Variants in HTR1E observed in about 807,000 individuals in gnomAD.
The protein encoded by HTR1E is 5-hydroxytryptamine receptor 1E, also known as 5-HT-1E.
A neutral mutation model predicts 3.4 loss-of-function variants in HTR1E; 3 were observed. The ratio of observed to expected loss-of-function variants is 0.89; its 90% CI spans 0.41 to 2.31. HTR1E has a LOEUF of 2.31. HTR1E is among the 30% of genes most tolerant of loss of function. The pLI is 0.05. For synonymous variants in HTR1E, 170 were observed against 182.8 expected (o/e 0.93, Z 0.56); for missense variants, 392 against 467.0 (o/e 0.84, Z 1.48).
chr6:87,004,996 C>T (rs116784588), intron 1 of HTR1E, among the ~76,000 whole-genome samples: 335 of 151,938 alleles, frequency 2.2e-3, no homozygotes, highest in African/African-American at 7.7e-3. Flanking sequence ...ACAATTGCTA[C>T]AAATAAAATA....
At position 86,948,244 on chromosome 6, in the gene HTR1E, A is replaced by G. The variant is rs541945401; in HGVS notation, c.-186+10421A>G. ...TTTTTTATGGCTGCAAACATTATCT[A>G]TTTAATAAGTTTCACATGTAATTAT... On this transcript the variant is annotated intron_variant, in intron 1 of 1. Coordinates refer to ENST00000305344, the MANE Select transcript of HTR1E (RefSeq NM_000865.3). 3.0e-4 allele frequency among the ~76,000 whole-genome samples: 46 copies of G among 152,288 alleles called. 1 individual carries two copies. The highest frequency in any genetic ancestry group is 1.1e-3 in the African/African-American group (45 of 41,578).
intron 1 of HTR1E, among the ~76,000 whole-genome samples, chr6:86,998,710 T>G (rs1380644978): frequency 6.6e-6 from 1 of 151,544 alleles, no homozygotes; most frequent in African/African-American, 2.4e-5. Flanking sequence ...AGGAAGGAAA[T>G]AATAAATATA....
At chr6:86,963,887 G>A (rs867388097) in intron 1 of HTR1E, among the ~76,000 whole-genome samples, 11 of 152,138 alleles carry the variant, frequency 7.2e-5, no homozygotes, top group African/African-American at 2.7e-4. Context: ...AAGCAATGCA[G>A]GACTATACTT....
intron 1 of HTR1E, among the ~76,000 whole-genome samples, chr6:86,974,242 T>C (rs1324930360): frequency 2.6e-5 from 4 of 152,376 alleles, no homozygotes; most frequent in Non-Finnish European, 5.9e-5. Flanking sequence ...TTTGTGTGTA[T>C]TTCCTGCAAG....
intron 1 of HTR1E, among the ~76,000 whole-genome samples, chr6:87,000,750 G>A (rs1768010267): frequency 6.6e-6 from 1 of 152,178 alleles, no homozygotes; most frequent in Non-Finnish European, 1.5e-5. Context: ...GAAATGCAAA[G>A]GAAGTTCTTC....
rs1167394724 is a variant in HTR1E at position 87,009,808 on chromosome 6, C to T, written c.-185-5342C>T. Among the ~76,000 whole-genome samples the T allele has an allele frequency of 3.0e-4, 36 of 119,208 alleles. 3 individuals carry two copies. Among genetic ancestry groups the T allele is most frequent in the African/African-American group, 1.0e-3 (28 of 27,604 alleles). The allele number at this position is 119,208 out of a possible 152,430, so 78.2% of individuals were successfully genotyped here. A position where few individuals can be genotyped will look rare whatever the true frequency, so the allele number is the denominator to read the frequency against. ...TGACCTCCCCCACCTCCCTCCCGGA[C>T]GGGGCGGCTGGCCGGGCGGGGGGAC... On this transcript the variant is annotated intron_variant, in intron 1 of 1. Transcript: ENST00000305344.
intron 1 of HTR1E, among the ~76,000 whole-genome samples, chr6:87,012,332 G>A (rs1354316681): frequency 6.6e-6 from 1 of 152,118 alleles, no homozygotes; most frequent in African/African-American, 2.4e-5. Flanking sequence ...ACTTATAACC[G>A]GGAGCTAAAT....
intron 1 of HTR1E, among the ~76,000 whole-genome samples, chr6:86,966,342 C>A (rs1282398134): frequency 1.3e-5 from 2 of 152,134 alleles, no homozygotes; most frequent in African/African-American, 4.8e-5. Context: ...AATGAACAGA[C>A]TTACAAATAA....
In HTR1E at chr6:87,015,890, T is replaced by G. The variant is rs1005189028; in HGVS notation, c.556T>G (p.Ser186Ala). The G allele has an allele frequency of 1.2e-6, 2 of 1,613,492 alleles. No homozygotes were observed. Among genetic ancestry groups the G allele is most frequent in the Non-Finnish European group, 1.7e-6 (2 of 1,179,620 alleles). ...CGACCATGTTATCTACACCATTTAC[T>G]CCACGCTGGGTGCGTTTTATATCCC... ...QHDHVIYTIY[S>A]TLGAFYIPLT... is the part of the protein sequence containing the mutation. The change falls in exon 2 of 2, where the codon TCC (serine) becomes GCC (alanine). Residue 186 changes from serine (S) to alanine (A), a missense_variant. Physicochemically the swap from Ser to Ala is moderately conservative, Grantham distance 99 (BLOSUM62 1). This residue lies in a region of HTR1E where 189 missense variants were observed against 258.0 expected (regional missense o/e 0.73). Coordinates refer to ENST00000305344, the MANE Select transcript of HTR1E (RefSeq NM_000865.3).
intron 1 of HTR1E, among the ~76,000 whole-genome samples, chr6:86,952,498 G>GACACAC (rs149359215): frequency 2.7e-5 from 4 of 147,028 alleles, no homozygotes; most frequent in African/African-American, 9.9e-5. Flanking sequence ...CACACACACA[G>GACACAC]ACACACACAC....
intron 1 of HTR1E, among the ~76,000 whole-genome samples, chr6:86,967,766 G>A (rs552304388): frequency 5.9e-5 from 9 of 151,944 alleles, no homozygotes; most frequent in East Asian, 1.9e-4. Flanking sequence ...TTTACATTAC[G>A]AAGTGTTTTA....
chr6:86,978,362 CCAAT>C (rs1171392091), intron 1 of HTR1E, among the ~76,000 whole-genome samples: 2 of 152,094 alleles, frequency 1.3e-5, no homozygotes, highest in Non-Finnish European at 2.9e-5. Flanking sequence ...CTGCATCGGT[CCAAT>C]CATAGTTAGG....
chr6:86,961,054 C>T (rs1019991063), intron 1 of HTR1E, among the ~76,000 whole-genome samples: 1 of 152,134 alleles, frequency 6.6e-6, no homozygotes, highest in Non-Finnish European at 1.5e-5. Flanking sequence ...AAAAATGAAG[C>T]TAGGAACTAT....
intron 1 of HTR1E, among the ~76,000 whole-genome samples, chr6:87,009,785 ACC>A (rs1768175922): frequency 1.0e-5 from 1 of 97,578 alleles, no homozygotes. Context: ...AGGGGGGCTG[ACC>A]TCCCCCACCT....
chr6:86,947,240 G>T (rs1039468175), intron 1 of HTR1E, among the ~76,000 whole-genome samples: 1 of 151,666 alleles, frequency 6.6e-6, no homozygotes, highest in Non-Finnish European at 1.5e-5. Context: ...TAATTTTCTG[G>T]CATTGTAGCA....
chr6:86,977,706 TTAATA>T (rs1767658914), intron 1 of HTR1E, among the ~76,000 whole-genome samples: 1 of 152,188 alleles, frequency 6.6e-6, no homozygotes, highest in African/African-American at 2.4e-5. Flanking sequence ...TTTTGACTTT[TTAATA>T]TAATAGCCAT....
intron 1 of HTR1E, among the ~76,000 whole-genome samples, chr6:86,991,994 C>A (rs370680816): frequency 6.6e-6 from 1 of 152,036 alleles, no homozygotes; most frequent in Non-Finnish European, 1.5e-5. Context: ...TTTCTGCCAC[C>A]CTGCCTTCTA....
intron 1 of HTR1E, among the ~76,000 whole-genome samples, chr6:86,956,900 G>T (rs1052593330): frequency 6.6e-6 from 1 of 152,058 alleles, no homozygotes; most frequent in Non-Finnish European, 1.5e-5. Flanking sequence ...AATGATAAAA[G>T]GTATGTGAAT....
intron 1 of HTR1E, among the ~76,000 whole-genome samples, chr6:86,996,679 G>T (rs960225524): frequency 6.6e-6 from 1 of 151,846 alleles, no homozygotes; most frequent in Non-Finnish European, 1.5e-5. Flanking sequence ...ACCTCAAAAA[G>T]CGTGAACTAT....
Sources: allele counts gnomAD v4.1 joint callset (sites outside exome capture counted in the v4.1 genomes callset), GRCh38; gene constraint gnomAD v4.1.1; regional missense constraint gnomAD v4.1.1; transcripts MANE v1.5; gene names NCBI Gene and HGNC (gene_info 2026-07-23, HGNC 2026-07-21).